Variants in ZC3H12B observed in about 807,000 individuals in gnomAD.
ZC3H12B encodes the protein zinc finger CCCH-type containing 12B.
ZC3H12B carries 7 observed loss-of-function variants against 43.9 expected under a neutral mutation model. The observed-to-expected ratio is 0.16, with a 90% confidence interval of 0.09 to 0.30. The LOEUF (loss-of-function observed/expected upper bound fraction) is 0.30, where lower values mean the gene tolerates loss of function less well. Ranked by LOEUF, ZC3H12B falls within the 10% of genes least tolerant of loss-of-function variation. The probability of loss-of-function intolerance (pLI) is 1.00; values close to 1 mark genes in which losing one functional copy is unlikely to be tolerated. For missense variants in ZC3H12B, 475 were observed against 670.2 expected (o/e 0.71, Z 3.22); for synonymous variants, 222 against 241.7 (o/e 0.92, Z 0.76).
the ZC3H12B span, among the ~76,000 whole-genome samples, chrX:65,120,818 G>A: frequency 8.1e-5 from 9 of 111,219 alleles, no homozygotes; most frequent in Admixed American, 2.9e-4. Flanking sequence ...TTTGAGATAC[G>A]TCTCATCAAT....
At chrX:65,127,583 T>C in the ZC3H12B span, among the ~76,000 whole-genome samples, 2 of 110,970 alleles carry the variant, frequency 1.8e-5, no homozygotes. Context: ...GCCACAGAGC[T>C]CCTAAGAGAT....
chrX:65,444,985 A>G (rs999754448), intron 3 of ZC3H12B, among the ~76,000 whole-genome samples: 3 of 112,027 alleles, frequency 2.7e-5, no homozygotes, highest in African/African-American at 9.7e-5. Context: ...CAATTCTGCT[A>G]TTGAGAAACT....
chrX:65,500,552 C>G (rs1334124720), intron 4 of ZC3H12B, among the ~76,000 whole-genome samples: 2 of 111,138 alleles, frequency 1.8e-5, no homozygotes, highest in Non-Finnish European at 3.8e-5. Context: ...CTCAGCCTCC[C>G]CAGTAGCTGG....
At chrX:65,188,235 A>C in the ZC3H12B span, among the ~76,000 whole-genome samples, 1 of 111,225 alleles carries the variant, frequency 9.0e-6, no homozygotes, top group Admixed American at 9.7e-5. Flanking sequence ...TTGCTTCCAC[A>C]TTTTGGCTAT....
chrX:65,195,737 G>A, the ZC3H12B span, among the ~76,000 whole-genome samples: 15 of 112,026 alleles, frequency 1.3e-4, no homozygotes, highest in African/African-American at 4.2e-4. Context: ...CAAGTACAAA[G>A]GAATGTGGGA....
the ZC3H12B span, among the ~76,000 whole-genome samples, chrX:65,218,499 T>C: frequency 9.0e-6 from 1 of 111,617 alleles, no homozygotes; most frequent in African/African-American, 3.3e-5. Context: ...GACAGGACTT[T>C]TGGGCTATAG....
At chrX:65,245,707 A>G in the ZC3H12B span, among the ~76,000 whole-genome samples, 2 of 111,626 alleles carry the variant, frequency 1.8e-5, no homozygotes, top group Non-Finnish European at 3.8e-5. Flanking sequence ...AAATAGTAAG[A>G]CCTATGTATG....
chrX:65,334,945 T>C, the ZC3H12B span, among the ~76,000 whole-genome samples: 1 of 111,851 alleles, frequency 8.9e-6, no homozygotes, highest in Non-Finnish European at 1.9e-5. Flanking sequence ...TCAGTGGCAG[T>C]GTGGGGACAC....
the ZC3H12B span, among the ~76,000 whole-genome samples, chrX:65,357,720 A>G: frequency 1.8e-5 from 2 of 112,077 alleles, no homozygotes; most frequent in Non-Finnish European, 3.8e-5. Context: ...AAAAATTGGT[A>G]CCAGTCACTG....
chrX:65,209,475 G>A, the ZC3H12B span, among the ~76,000 whole-genome samples: 1 of 92,649 alleles, frequency 1.1e-5, no homozygotes, highest in African/African-American at 4.0e-5. Flanking sequence ...CAGTTTCCAT[G>A]TAGTTGAGCG....
At chrX:65,298,107 A>G in the ZC3H12B span, among the ~76,000 whole-genome samples, 1 of 112,247 alleles carries the variant, frequency 8.9e-6, no homozygotes, top group Non-Finnish European at 1.9e-5. Context: ...CTTTATGACC[A>G]AAACCCAAAA....
chrX:65,297,075 C>T, the ZC3H12B span, among the ~76,000 whole-genome samples: 3 of 111,261 alleles, frequency 2.7e-5, no homozygotes, highest in South Asian at 7.7e-4. Flanking sequence ...AGCATTCCAC[C>T]TGAGAACTGG....
chrX:65,069,029 C>A, the ZC3H12B span, among the ~76,000 whole-genome samples: 1 of 108,638 alleles, frequency 9.2e-6, no homozygotes, highest in African/African-American at 3.4e-5. Context: ...TTGTTTGTTT[C>A]TTTTCTCTTG....
chrX:65,084,158 C>G, the ZC3H12B span, among the ~76,000 whole-genome samples: 3 of 111,891 alleles, frequency 2.7e-5, no homozygotes, highest in Admixed American at 1.9e-4. Context: ...GAAATTATTA[C>G]AAGAAAACAT....
At chrX:65,224,254 G>A in the ZC3H12B span, among the ~76,000 whole-genome samples, 4 of 112,787 alleles carry the variant, frequency 3.5e-5, no homozygotes, top group South Asian at 3.6e-4. Context: ...CTATGAGGAT[G>A]CAAAGACATA....
At chrX:65,431,463 C>T (rs2067160782) in intron 3 of ZC3H12B, among the ~76,000 whole-genome samples, 1 of 112,443 alleles carries the variant, frequency 8.9e-6, no homozygotes, top group Non-Finnish European at 1.9e-5. Flanking sequence ...AGTTGCAGTT[C>T]ATGTTGCTCA....
chrX:65,285,036 G>A, the ZC3H12B span, among the ~76,000 whole-genome samples: 1 of 110,169 alleles, frequency 9.1e-6, no homozygotes, highest in Non-Finnish European at 1.9e-5. Flanking sequence ...CTAGGTCAAA[G>A]AAACAAAGAA....
the ZC3H12B span, among the ~76,000 whole-genome samples, chrX:65,211,088 GA>G: frequency 0.03 from 1,918 of 63,334 alleles, 26 homozygotes; most frequent in East Asian, 0.079. Context: ...AAAAAAGAAA[GA>G]AAAAAAAAAA....
At chrX:65,467,667 A>G (rs1458591678) in intron 3 of ZC3H12B, among the ~76,000 whole-genome samples, 1 of 111,952 alleles carries the variant, frequency 8.9e-6, no homozygotes, top group Non-Finnish European at 1.9e-5. Context: ...GTGATACCTT[A>G]TTGTTATTTT....
Sources: gnomAD v4.1 joint callset for allele counts (sites outside exome capture counted in the v4.1 genomes callset) on GRCh38, gnomAD v4.1.1 for gene constraint, MANE v1.5 for transcripts, NCBI Gene and HGNC (gene_info 2026-07-23, HGNC 2026-07-21) for gene names.